Variants in ALMS1 observed in about 807,000 individuals in gnomAD.
The protein encoded by ALMS1 is ALMS1 centrosome and basal body associated protein.
In ALMS1, 271 loss-of-function variants were observed where a neutral mutation model predicts 352.2. The ratio of observed to expected loss-of-function variants is 0.77; its 90% CI spans 0.70 to 0.85. The LOEUF is 0.85. Among genes scored for constraint, ALMS1 ranks in the 40% least tolerant of loss-of-function variants. The pLI is 0.00. For missense variants in ALMS1, 5,445 were observed against 4,870.7 expected (o/e 1.12, Z -3.51); for synonymous variants, 1,865 against 1,761.2 (o/e 1.06, Z -1.48).
intron 11 of ALMS1, among the ~76,000 whole-genome samples, chr2:73,532,116 G>T (rs909737528): frequency 6.6e-6 from 1 of 152,218 alleles, no homozygotes; most frequent in African/African-American, 2.4e-5. Flanking sequence ...GTCTGTCTCT[G>T]TGCTGAGCTG....
rs1160178390 is a variant in ALMS1 at position 73,449,628 on chromosome 2, G to A, written c.3101G>A (p.Gly1034Glu). 1.2e-6 allele frequency: 2 copies of A among 1,614,074 alleles called. No individual in the cohort carries two copies. The highest frequency in any genetic ancestry group is 3.3e-5 in the Admixed American group (2 of 60,010). Residue 1034 changes from glycine (G) to glutamate (E), a missense_variant, in exon 8 of 23, where the codon GGA (glycine) becomes GAA (glutamate). Gly to Glu is a moderately conservative substitution (Grantham distance 98). Transcript: ENST00000613296. ...GCTCTGAAAGTTTCAACTGGCCCTGGACCAGCTGACCAGAAGACTGAGATA... is the reference window on the plus strand; with the variant it reads ...GCTCTGAAAGTTTCAACTGGCCCTGAACCAGCTGACCAGAAGACTGAGATA... The part of the protein sequence containing the change: ...EKALKVSTGP[G>E]PADQKTEIPA...
intron 16 of ALMS1, among the ~76,000 whole-genome samples, chr2:73,590,595 C>T (rs1051254290): frequency 2.7e-5 from 4 of 150,072 alleles, no homozygotes; most frequent in Admixed American, 2.0e-4. Flanking sequence ...CTGTTTTTCT[C>T]TGAAGGTTTT....
At chr2:73,561,323 GT>G (rs199886578) in intron 15 of ALMS1, among the ~76,000 whole-genome samples, 9,535 of 152,124 alleles carry the variant, frequency 0.063, 756 homozygotes, top group African/African-American at 0.17. Flanking sequence ...AGGAAAATTT[GT>G]TTTTTCTTCT....
intron 9 of ALMS1, among the ~76,000 whole-genome samples, chr2:73,480,622 C>G (rs1405112850): frequency 6.6e-6 from 1 of 151,480 alleles, no homozygotes; most frequent in African/African-American, 2.4e-5. Flanking sequence ...AATGGTATTT[C>G]TAGTTCTAGA....
intron 11 of ALMS1, among the ~76,000 whole-genome samples, chr2:73,531,843 G>A (rs574593133): frequency 2.6e-4 from 40 of 152,326 alleles, no homozygotes; most frequent in African/African-American, 8.7e-4. Flanking sequence ...GAGAGCTCAG[G>A]GGAAACTGCC....
intron 10 of ALMS1, among the ~76,000 whole-genome samples, chr2:73,509,134 A>T (rs897468716): frequency 6.6e-6 from 1 of 151,884 alleles, no homozygotes; most frequent in African/African-American, 2.4e-5. Context: ...TTTTGAGCCT[A>T]TGTGTGTCTT....
At chr2:73,549,330 TATTGTCAG>T (rs563356249) in intron 12 of ALMS1, among the ~76,000 whole-genome samples, 138 of 152,328 alleles carry the variant, frequency 9.1e-4, no homozygotes, top group Non-Finnish European at 1.7e-3. Context: ...TTGTCTTTTG[TATTGTCAG>T]ATTAATCTTC....
chr2:73,399,866 T>A (rs1353940003), intron 1 of ALMS1, among the ~76,000 whole-genome samples: 2 of 152,132 alleles, frequency 1.3e-5, no homozygotes, highest in East Asian at 3.8e-4. Flanking sequence ...TCAAATGTTT[T>A]TTCTGCATCT....
At chr2:73,553,694 T>C (rs1674486074) in intron 13 of ALMS1, among the ~76,000 whole-genome samples, 1 of 152,224 alleles carries the variant, frequency 6.6e-6, no homozygotes, top group Admixed American at 6.5e-5. Context: ...AATTGAATAT[T>C]GATTTAATCA....
intron 5 of ALMS1, 116 bp from the exon 6 acceptor site, chr2:73,426,337 C>G: frequency 4.1e-6 from 4 of 979,756 alleles, no homozygotes; most frequent in South Asian, 3.9e-5. Flanking sequence ...TAATTGCAGT[C>G]GCCCAAGAGA....
At chr2:73,408,864 CTTTTT>C (rs58686365) in intron 2 of ALMS1, 117 bp downstream of exon 2, 250 of 188,230 alleles carry the variant, frequency 1.3e-3, no homozygotes, top group East Asian at 2.8e-3. Flanking sequence ...GTTTTCTTGT[CTTTTT>C]TTTTTTTTTT....
rs577120326 is a variant in ALMS1, at chr2:73,561,483, A to G, written c.10384+2341A>G. ...CTTATTTCTCTTTCTTTTTAATTTTATTTTTCTTTAATTTCCCACCTCAGT... is the reference window on the plus strand; with the variant it reads ...CTTATTTCTCTTTCTTTTTAATTTTGTTTTTCTTTAATTTCCCACCTCAGT... On this transcript the variant is annotated intron_variant, in intron 15 of 22. Transcript: ENST00000613296. Among the ~76,000 whole-genome samples the G allele has an allele frequency of 1.2e-4, 18 of 152,150 alleles. 1 individual carries two copies. The highest frequency in any genetic ancestry group is 4.3e-4 in the African/African-American group (18 of 41,494).
At chr2:73,560,061 A>G (rs1056760358) in intron 15 of ALMS1, among the ~76,000 whole-genome samples, 4 of 152,212 alleles carry the variant, frequency 2.6e-5, no homozygotes, top group African/African-American at 9.6e-5. Flanking sequence ...AAACTTCTGC[A>G]TGACAAAGTA....
At chr2:73,431,897 T>C (rs893544715) in intron 6 of ALMS1, among the ~76,000 whole-genome samples, 18 of 152,230 alleles carry the variant, frequency 1.2e-4, no homozygotes, top group African/African-American at 4.3e-4. Context: ...AGAACACTTC[T>C]AAGCATACTA....
chr2:73,465,671 C>G (rs536996185), intron 9 of ALMS1, among the ~76,000 whole-genome samples: 1 of 151,692 alleles, frequency 6.6e-6, no homozygotes, highest in African/African-American at 2.4e-5. Flanking sequence ...TTCTGCACAG[C>G]AAAAGAAACT....
chr2:73,387,094 G>A (rs1178664407), intron 1 of ALMS1, among the ~76,000 whole-genome samples: 1 of 152,266 alleles, frequency 6.6e-6, no homozygotes, highest in Non-Finnish European at 1.5e-5. Context: ...ATGTTGGACA[G>A]AGCAGATAAT....
At chr2:73,488,650 C>A (rs1672907831) in intron 9 of ALMS1, among the ~76,000 whole-genome samples, 1 of 152,216 alleles carries the variant, frequency 6.6e-6, no homozygotes, top group Non-Finnish European at 1.5e-5. Context: ...CAGCTGGCAT[C>A]ATTGCAGCAG....
chr2:73,533,825 G>A (rs557888457), intron 11 of ALMS1, among the ~76,000 whole-genome samples: 2 of 152,194 alleles, frequency 1.3e-5, no homozygotes, highest in African/African-American at 4.8e-5. Context: ...GCTGTTGGAG[G>A]AAGAGTAAAT....
intron 2 of ALMS1, among the ~76,000 whole-genome samples, chr2:73,411,267 C>T (rs1286892830): frequency 6.6e-6 from 1 of 151,900 alleles, no homozygotes; most frequent in Admixed American, 6.6e-5. Flanking sequence ...GCTGCCACAT[C>T]CAGGGAATGC....
Sources: allele counts gnomAD v4.1 joint callset (sites outside exome capture counted in the v4.1 genomes callset), GRCh38; gene constraint gnomAD v4.1.1; transcripts MANE v1.5; gene names NCBI Gene and HGNC (gene_info 2026-07-23, HGNC 2026-07-21).